The following VPS13A variants were observed in gnomAD, a reference collection of about 807,000 sequenced individuals.
The protein encoded by VPS13A is vacuolar protein sorting 13 homolog A, also known as intermembrane lipid transfer protein VPS13A.
Under a neutral mutation model 390.9 loss-of-function variants are expected in VPS13A, and 264 were observed. That is an observed-to-expected ratio of 0.68 (90% CI 0.61 to 0.75). The LOEUF (loss-of-function observed/expected upper bound fraction) is 0.75, where lower values mean the gene tolerates loss of function less well. Ranked by LOEUF, VPS13A falls within the 30% of genes least tolerant of loss-of-function variation. The probability of loss-of-function intolerance (pLI) is 0.00; values close to 1 mark genes in which losing one functional copy is unlikely to be tolerated. For synonymous variants in VPS13A, 1,231 were observed against 1,227.1 expected (o/e 1.00, Z -0.07); for missense variants, 3,409 against 3,733.9 (o/e 0.91, Z 2.27).
chr9:77,276,964 T>C (rs72744273), intron 26 of VPS13A, among the ~76,000 whole-genome samples: 8,301 of 152,288 alleles, frequency 0.055, 336 homozygotes, highest in South Asian at 0.12. Context: ...AGTTAACATA[T>C]TCTCAGATTC....
intron 45 of VPS13A, among the ~76,000 whole-genome samples, chr9:77,323,533 T>C (rs2131456206): frequency 6.6e-6 from 1 of 152,246 alleles, no homozygotes; most frequent in Non-Finnish European, 1.5e-5. Flanking sequence ...ATCCTTTCTA[T>C]TTGATTAGAT....
In VPS13A at chr9:77,370,299, C is replaced by T; in HGVS notation, c.8710C>T (p.Leu2904=). 1 of 1,614,156 alleles carries T rather than the reference C, an allele frequency of 6.2e-7. No individual in the cohort carries two copies. Among genetic ancestry groups the T allele is most frequent in the Non-Finnish European group, 8.5e-7 (1 of 1,180,018 alleles). Residue 2904 remains leucine, a synonymous_variant, in exon 64 of 72, where the codon CTA becomes TTA. Transcript: ENST00000360280. ...GPEEFVEGMA[L]GLKALVGGAV... Reference sequence around the variant, plus strand: ...TGAAGAGTTTGTGGAAGGAATGGCACTAGGACTTAAGGCACTAGTTGGTGG... The same window carrying T: ...TGAAGAGTTTGTGGAAGGAATGGCATTAGGACTTAAGGCACTAGTTGGTGG...
chr9:77,347,973 A>G (rs915129211), intron 52 of VPS13A, among the ~76,000 whole-genome samples: 16 of 152,132 alleles, frequency 1.1e-4, no homozygotes, highest in African/African-American at 3.9e-4. Context: ...TCAAGAAACA[A>G]CAGATGATGG....
intron 5 of VPS13A, among the ~76,000 whole-genome samples, chr9:77,206,564 A>G (rs563147752): frequency 6.6e-6 from 1 of 152,190 alleles, no homozygotes; most frequent in South Asian, 2.1e-4. Flanking sequence ...AACTTAGACA[A>G]TATGTTCCAT....
Position 77,276,137 on chromosome 9 carries a change from G to A in VPS13A, c.2740G>A (p.Gly914Ser). 6.2e-7 allele frequency: 1 copy of A among 1,613,062 alleles called. No homozygotes were observed. The highest frequency in any genetic ancestry group is 8.5e-7 in the Non-Finnish European group (1 of 1,179,576). The stretch of plus-strand genomic sequence containing the variant: ...GGTAGAAATTCTTGTTTTAGGATTG[G>A]GTGCAGAAATTGAGATTAGAACATA... ...SVVEILVLGLGAEIEIRTYDL... is the reference protein window; with the variant it reads ...SVVEILVLGLSAEIEIRTYDL... The change falls in exon 26 of 72, where the codon GGT becomes AGT. Residue 914 changes from glycine (G) to serine (S), a missense_variant. Around this residue, in one of 5 missense-constraint regions of VPS13A, gnomAD observed 2,717 missense variants for 2,917.4 expected, o/e 0.93. Transcript: ENST00000360280.
intron 17 of VPS13A, among the ~76,000 whole-genome samples, chr9:77,235,705 T>C (rs1824104824): frequency 6.6e-6 from 1 of 152,154 alleles, no homozygotes; most frequent in Non-Finnish European, 1.5e-5. Context: ...GTCTCCCACT[T>C]TAGGCACTGT....
chr9:77,293,899 GA>G (rs1827823745), intron 32 of VPS13A, among the ~76,000 whole-genome samples: 1 of 151,988 alleles, frequency 6.6e-6, no homozygotes, highest in Non-Finnish European at 1.5e-5. Flanking sequence ...TCATCATTAA[GA>G]AAAGGTTATT....
At chr9:77,250,303 C>A in intron 21 of VPS13A, 74 bp downstream of exon 21, 2 of 1,514,864 alleles carry the variant, frequency 1.3e-6, no homozygotes, top group Non-Finnish European at 1.8e-6. Flanking sequence ...ACTTTGAAGA[C>A]CTTCCTCTTA....
chr9:77,419,058 C>G lies in VPS13A; in HGVS notation c.*3052C>G, dbSNP rs962025893. On this transcript the variant is annotated 3_prime_UTR_variant, in exon 72 of 72. Transcript: ENST00000360280. ...TACTTGATTAGTTTGCCTGTAGAAG[C>G]TCAAAGTGTGTACCAAATACATTGA... The G allele has an allele frequency of 6.6e-6, 1 of 152,144 alleles. No homozygotes were observed. Among genetic ancestry groups the G allele is most frequent in the African/African-American group, 2.4e-5 (1 of 41,422 alleles). The allele number at this position is 152,144 out of a possible 1,614,324, so 9.4% of individuals were successfully genotyped here. A position where few individuals can be genotyped will look rare whatever the true frequency, so the allele number is the denominator to read the frequency against.
intron 23 of VPS13A, among the ~76,000 whole-genome samples, chr9:77,261,954 G>A (rs934490299): frequency 9.2e-5 from 14 of 152,092 alleles, no homozygotes; most frequent in Non-Finnish European, 1.5e-5. Context: ...CTGAGTATTA[G>A]CAAATGTTAA....
rs776724808 is a variant in VPS13A, at chr9:77,206,329, T to TA, written c.385+250_385+251insA. On this transcript the variant is annotated intron_variant, in intron 5 of 71. Transcript: ENST00000360280. ...TATTATTATTAGGTTTACATATTTT[T>TA]TATATATATATATATACACACACAC... Among the ~76,000 whole-genome samples the TA allele has an allele frequency of 0.15, 21,714 of 146,402 alleles. 1,904 individuals are homozygous for TA. The highest frequency in any genetic ancestry group is 0.19 in the Non-Finnish European group (12,913 of 66,828).
intron 68 of VPS13A, among the ~76,000 whole-genome samples, chr9:77,386,961 C>G (rs959627245): frequency 6.6e-6 from 1 of 152,060 alleles, no homozygotes; most frequent in African/African-American, 2.4e-5. Context: ...GCCTCGGCCT[C>G]CCAAGGTGCT....
rs1829726014 is a variant in VPS13A at position 77,321,234 on chromosome 9, A to G, written c.5481A>G (p.Pro1827=). 3.1e-6 allele frequency: 5 copies of G among 1,612,598 alleles called. No homozygotes were observed. In the African/African-American group the frequency reaches 4.0e-5, roughly 13 times the overall value. The change falls in exon 43 of 72, where the codon CCA becomes CCG. Residue 1827 remains proline, a synonymous_variant. Coordinates refer to ENST00000360280, the MANE Select transcript of VPS13A (RefSeq NM_033305.3). The part of the protein sequence containing the change: ...SDPEEENYKV[P]EYKTVISFHS... ...CTGAAGAAGAAAACTACAAAGTGCC[A>G]GAATATAAAACTGTCATCAGTTTCC...
At chr9:77,227,148 G>A (rs1490379309) in intron 15 of VPS13A, among the ~76,000 whole-genome samples, 2 of 152,096 alleles carry the variant, frequency 1.3e-5, no homozygotes, top group African/African-American at 2.4e-5. Context: ...ATAGTTAGCC[G>A]TTTTTGAGCT....
chr9:77,264,796 C>T (rs1480896369), intron 23 of VPS13A, among the ~76,000 whole-genome samples: 3 of 152,186 alleles, frequency 2.0e-5, no homozygotes, highest in Non-Finnish European at 2.9e-5. Context: ...ATTTCTTTCT[C>T]TTGCCTGATT....
intron 17 of VPS13A, among the ~76,000 whole-genome samples, chr9:77,232,961 G>A (rs1587382143): frequency 6.6e-6 from 1 of 152,232 alleles, no homozygotes; most frequent in East Asian, 1.9e-4. Context: ...CTATAAGTAA[G>A]TTTAAAAGGT....
rs199677254 is a variant in VPS13A at position 77,249,361 on chromosome 9, AG to A, written c.2038-735del. ...TTTCAAGGGCAGTGTGGTATAATAG[AG>A]CATAAGGTTAGGAGTAAGGATATCT... On this transcript the variant is annotated intron_variant, in intron 20 of 71. Transcript: ENST00000360280. Among the ~76,000 whole-genome samples, 1,238 of 152,292 alleles carry A rather than the reference AG, an allele frequency of 8.1e-3. 20 individuals are homozygous for A. The highest frequency in any genetic ancestry group is 0.029 in the African/African-American group (1,189 of 41,572).
intron 71 of VPS13A, among the ~76,000 whole-genome samples, chr9:77,411,368 A>T (rs1325997007): frequency 6.6e-6 from 1 of 152,112 alleles, no homozygotes; most frequent in East Asian, 1.9e-4. Context: ...CTAACATCAC[A>T]ATTAAAAGAA....
At chr9:77,300,469 C>T (rs1378363971) in intron 33 of VPS13A, among the ~76,000 whole-genome samples, 1 of 152,130 alleles carries the variant, frequency 6.6e-6, no homozygotes, top group Non-Finnish European at 1.5e-5. Context: ...CGTTGGCTTA[C>T]GCCTGTAAAC....
Sources: gnomAD v4.1 joint callset for allele counts (sites outside exome capture counted in the v4.1 genomes callset) on GRCh38, gnomAD v4.1.1 for gene constraint, gnomAD v4.1.1 regional missense constraint, MANE v1.5 for transcripts, NCBI Gene and HGNC (gene_info 2026-07-23, HGNC 2026-07-21) for gene names.